SRRM3: variants seen among roughly 807,000 people sequenced by gnomAD.
The protein encoded by SRRM3 is serine/arginine repetitive matrix 3.
SRRM3 carries 27 observed loss-of-function variants against 66.2 expected under a neutral mutation model. That is an observed-to-expected ratio of 0.41 (90% confidence interval 0.30 to 0.56). SRRM3 has a LOEUF of 0.56. Ranked by LOEUF, SRRM3 falls within the 20% of genes least tolerant of loss-of-function variation. The pLI is 0.32. For missense variants in SRRM3, 918 were observed against 991.9 expected (o/e 0.93, Z 1.00); for synonymous variants, 391 against 414.9 (o/e 0.94, Z 0.70).
intron 11 of SRRM3, among the ~76,000 whole-genome samples, chr7:76,277,429 C>T (rs1802375976): frequency 6.6e-6 from 1 of 152,064 alleles, no homozygotes; most frequent in Non-Finnish European, 1.5e-5. Flanking sequence ...CGGGGTGGCT[C>T]ATGCCTGTAA....
chr7:76,227,475 A>G (rs1342291233), intron 1 of SRRM3, among the ~76,000 whole-genome samples: 1 of 152,132 alleles, frequency 6.6e-6, no homozygotes, highest in Non-Finnish European at 1.5e-5. Flanking sequence ...CATCCAGTCA[A>G]TTACAAACCC....
chr7:76,265,024 C>G (rs1801972781), intron 9 of SRRM3, among the ~76,000 whole-genome samples: 1 of 152,128 alleles, frequency 6.6e-6, no homozygotes, highest in Non-Finnish European at 1.5e-5. Context: ...CCAGGGTCCT[C>G]CCAAGCCCAG....
chr7:76,215,400 T>TTG (rs1800536897), intron 1 of SRRM3, among the ~76,000 whole-genome samples: 1 of 144,730 alleles, frequency 6.9e-6, no homozygotes, highest in Non-Finnish European at 1.5e-5. Flanking sequence ...CGCAGTTTTT[T>TTG]TTTTTTTTTT....
chr7:76,252,204 G>A (rs981197812), intron 3 of SRRM3, among the ~76,000 whole-genome samples: 1 of 152,232 alleles, frequency 6.6e-6, no homozygotes, highest in Non-Finnish European at 1.5e-5. Flanking sequence ...GGATGAGTGA[G>A]CTGGAAGACC....
chr7:76,272,497 G>A (rs1055389832), intron 11 of SRRM3, among the ~76,000 whole-genome samples: 2 of 152,132 alleles, frequency 1.3e-5, no homozygotes, highest in Non-Finnish European at 2.9e-5. Context: ...GAGCCCAGGA[G>A]TTGGAGGCTA....
chr7:76,286,051 G>C lies in SRRM3; in HGVS notation c.*208G>C. The C allele has an allele frequency of 1.6e-6, 1 of 609,394 alleles. No individual in the cohort carries two copies. Among genetic ancestry groups the C allele is most frequent in the Non-Finnish European group, 3.0e-6 (1 of 337,770 alleles). The allele number at this position is 609,394 out of a possible 1,614,324, so 37.7% of individuals were successfully genotyped here. A position where few individuals can be genotyped will look rare whatever the true frequency, so the allele number is the denominator to read the frequency against. Reference sequence around the variant, plus strand: ...GAAGCCAGATGTGCTGCTTCTACGGGTGTCCTCTCCCACCTCCTGTCCACC... The same window carrying C: ...GAAGCCAGATGTGCTGCTTCTACGGCTGTCCTCTCCCACCTCCTGTCCACC... On this transcript the variant is annotated 3_prime_UTR_variant, in exon 15 of 15. Transcript: ENST00000611745.
At chr7:76,274,543 A>G (rs1232865906) in intron 11 of SRRM3, among the ~76,000 whole-genome samples, 2 of 152,138 alleles carry the variant, frequency 1.3e-5, no homozygotes, top group Non-Finnish European at 2.9e-5. Flanking sequence ...GGCTCCTTCT[A>G]CCCTCAGCAT....
intron 1 of SRRM3, among the ~76,000 whole-genome samples, chr7:76,223,310 C>A (rs1378848166): frequency 6.6e-6 from 1 of 152,164 alleles, no homozygotes; most frequent in Admixed American, 6.5e-5. Context: ...ACAGGGGAAG[C>A]TTTCAATATA....
chr7:76,276,741 A>G (rs1554611203), intron 11 of SRRM3, among the ~76,000 whole-genome samples: 1 of 152,172 alleles, frequency 6.6e-6, no homozygotes, highest in Non-Finnish European at 1.5e-5. Context: ...TGGCAGGCGC[A>G]TGGTGACCCC....
chr7:76,250,243 T>G (rs1554606727), intron 3 of SRRM3, among the ~76,000 whole-genome samples: 1 of 151,110 alleles, frequency 6.6e-6, no homozygotes, highest in African/African-American at 2.4e-5. Context: ...TTGTTTTGTT[T>G]TGTTTGAGAC....
intron 2 of SRRM3, 93 bp downstream of exon 2, chr7:76,235,392 C>G: frequency 1.4e-5 from 12 of 833,912 alleles, no homozygotes; most frequent in Non-Finnish European, 1.7e-5. Flanking sequence ...TGGCGAACGT[C>G]GTGGGCGGGG....
intron 8 of SRRM3, among the ~76,000 whole-genome samples, chr7:76,263,145 C>T (rs1174442975): frequency 6.6e-6 from 1 of 152,190 alleles, no homozygotes; most frequent in African/African-American, 2.4e-5. Flanking sequence ...CATTAGCTTA[C>T]ACACACCCTC....
chr7:76,265,468 G>C lies in SRRM3; in HGVS notation c.830G>C (p.Arg277Thr). Residue 277 changes from arginine to threonine, a missense_variant and splice_region_variant, in exon 10 of 15, where the codon AGG becomes ACG. Transcript: ENST00000611745. Reference protein sequence around the residue: ...SHYSDSRSPSRLSPKHRDEGR... With the variant: ...SHYSDSRSPSTLSPKHRDEGR... ...TACAGTGATTCCAGATCTCCCAGCA[G>C]GTAGGCCTGGGCCTCTGGGAGGCTT... 1.3e-6 allele frequency: 2 copies of C among 1,599,732 alleles called. No individual in the cohort carries two copies. Among genetic ancestry groups the C allele is most frequent in the Non-Finnish European group, 1.7e-6 (2 of 1,173,344 alleles).
intron 8 of SRRM3, among the ~76,000 whole-genome samples, chr7:76,263,281 GCAGTCACTCTGCT>G (rs1328470633): frequency 2.0e-5 from 3 of 152,174 alleles, no homozygotes; most frequent in African/African-American, 7.2e-5. Flanking sequence ...GGCCTTCCCC[GCAGTCACTCTGCT>G]CCTGTGGGAG....
chr7:76,241,230 C>T (rs2117011805), intron 2 of SRRM3, among the ~76,000 whole-genome samples: 1 of 152,280 alleles, frequency 6.6e-6, no homozygotes, highest in East Asian at 1.9e-4. Flanking sequence ...GAAGCTTTGG[C>T]CATGCTAGCC....
At chr7:76,232,856 A>G (rs1801047548) in intron 1 of SRRM3, among the ~76,000 whole-genome samples, 2 of 151,956 alleles carry the variant, frequency 1.3e-5, no homozygotes, top group African/African-American at 4.8e-5. Flanking sequence ...TTGCTCCTGG[A>G]CCCGTCTGCC....
At chr7:76,242,418 G>A (rs566447862) in intron 2 of SRRM3, among the ~76,000 whole-genome samples, 77 of 152,040 alleles carry the variant, frequency 5.1e-4, no homozygotes, top group African/African-American at 1.7e-3. Flanking sequence ...CGGGGAGATG[G>A]AGGTTGTGGT....
chr7:76,266,435 T>C (rs1424871551), intron 10 of SRRM3, among the ~76,000 whole-genome samples: 11 of 111,958 alleles, frequency 9.8e-5, no homozygotes, highest in Non-Finnish European at 9.8e-5. Context: ...TATATATAAA[T>C]ATAGATATAT....
chr7:76,260,076 G>GGGGC, intron 4 of SRRM3, 41 bp from the exon 5 acceptor site: 1 of 1,431,292 alleles, frequency 7.0e-7, no homozygotes, highest in Non-Finnish European at 9.1e-7. Flanking sequence ...GCGCGGGGCT[G>GGGGC]CCCCCCCTCA....
Sources: allele counts gnomAD v4.1 joint callset (sites outside exome capture counted in the v4.1 genomes callset), GRCh38; gene constraint gnomAD v4.1.1; transcripts MANE v1.5; gene names NCBI Gene and HGNC (gene_info 2026-07-23, HGNC 2026-07-21).